Variants in LAMA4 observed in about 807,000 individuals in gnomAD.
LAMA4 encodes the protein laminin subunit alpha 4.
In LAMA4, 127 loss-of-function variants were observed where a neutral mutation model predicts 207.1. The observed-to-expected ratio is 0.61, with a 90% confidence interval of 0.53 to 0.71. The LOEUF (loss-of-function observed/expected upper bound fraction) is 0.71. Among genes scored for constraint, LAMA4 ranks in the 30% least tolerant of loss-of-function variants. LAMA4 has a pLI of 0.00. For synonymous variants in LAMA4, 761 were observed against 816.0 expected (o/e 0.93, Z 1.15); for missense variants, 2,093 against 2,246.5 (o/e 0.93, Z 1.38).
Position 112,195,733 on chromosome 6 carries a change from A to T in LAMA4, c.504-3883T>A, listed in dbSNP as rs6936937. ...TGTTTCTCACTCCACCACCAAATTT[A>T]ATGCATGAAAGTATACTATTAAAGC... On this transcript the variant is annotated intron_variant, in intron 5 of 38. Transcript: ENST00000230538. 2.2e-3 allele frequency among the ~76,000 whole-genome samples: 328 copies of T among 152,292 alleles called. 3 individuals carry two copies. The highest frequency in any genetic ancestry group is 6.6e-3 in the African/African-American group (276 of 41,560).
At chr6:112,222,205 G>C (rs1784962670) in intron 2 of LAMA4, among the ~76,000 whole-genome samples, 1 of 152,176 alleles carries the variant, frequency 6.6e-6, no homozygotes, top group African/African-American at 2.4e-5. Flanking sequence ...CTAAGCTCTT[G>C]TTTGCATAAT....
At chr6:112,235,078 C>T (rs1785818345) in intron 2 of LAMA4, among the ~76,000 whole-genome samples, 1 of 152,166 alleles carries the variant, frequency 6.6e-6, no homozygotes, top group Admixed American at 6.5e-5. Context: ...AAAGTGCCCA[C>T]CATTTTGAAA....
In LAMA4 at chr6:112,131,201, G is replaced by C. The variant is rs577865334; in HGVS notation, c.3835-100C>G. The C allele has an allele frequency of 1.9e-5, 20 of 1,076,104 alleles. No individual in the cohort carries two copies. In the African/African-American group the frequency reaches 2.9e-4, roughly 16 times the overall value. The allele number at this position is 1,076,104 out of a possible 1,614,324, so 66.7% of individuals were successfully genotyped here. A position where few individuals can be genotyped will look rare whatever the true frequency, so the allele number is the denominator to read the frequency against. ...AATGGTATTGCTTAAAGGCAATATAGTGTGTAGGAAATTTGCTTGTAAAAT... is the reference window on the plus strand; with the variant it reads ...AATGGTATTGCTTAAAGGCAATATACTGTGTAGGAAATTTGCTTGTAAAAT... On this transcript the variant is annotated intron_variant, in intron 28 of 38. Transcript: ENST00000230538.
rs148396423 is a variant in LAMA4, at chr6:112,135,602, T to C, written c.3414+521A>G. Among the ~76,000 whole-genome samples the C allele has an allele frequency of 6.5e-3, 984 of 152,328 alleles. 10 individuals are homozygous for C. The highest frequency in any genetic ancestry group is 0.022 in the African/African-American group (929 of 41,576). On this transcript the variant is annotated intron_variant, in intron 25 of 38. Transcript: ENST00000230538. ...TAATGAAAATGGATGAAGTATATTT[T>C]CAGTAGTCTGCACATCTGTTTCAAA...
chr6:112,218,497 C>T (rs1270702899), intron 2 of LAMA4: 1 of 152,138 alleles, frequency 6.6e-6, no homozygotes, highest in Non-Finnish European at 1.5e-5. Context: ...GGACAGCAAA[C>T]TGGAGACATA....
chr6:112,139,620 G>A (rs1779564264), intron 23 of LAMA4, 132 bp downstream of exon 23: 7 of 1,079,410 alleles, frequency 6.5e-6, no homozygotes, highest in Non-Finnish European at 4.3e-6. Context: ...TTTTTTGCAG[G>A]TATGACTTAT....
chr6:112,234,182 C>CCCAAA (rs1785738295), intron 2 of LAMA4: 1 of 151,650 alleles, frequency 6.6e-6, no homozygotes, highest in Non-Finnish European at 1.5e-5. Flanking sequence ...TTCATTCTGC[C>CCCAAA]GTTTGATGCA....
intron 2 of LAMA4, among the ~76,000 whole-genome samples, chr6:112,217,107 C>T (rs1272071789): frequency 2.0e-5 from 3 of 152,196 alleles, no homozygotes; most frequent in Non-Finnish European, 4.4e-5. Flanking sequence ...GAACACATGA[C>T]TTTCCCTTAT....
chr6:112,110,996 T>C (rs1332109511), intron 38 of LAMA4, among the ~76,000 whole-genome samples: 1 of 152,220 alleles, frequency 6.6e-6, no homozygotes, highest in East Asian at 1.9e-4. Flanking sequence ...GAGGAATGAA[T>C]GGTTAGACCC....
intron 24 of LAMA4, among the ~76,000 whole-genome samples, chr6:112,138,512 T>C (rs1478193489): frequency 6.6e-6 from 1 of 152,166 alleles, no homozygotes; most frequent in Non-Finnish European, 1.5e-5. Flanking sequence ...AGCTGTACAG[T>C]AGATAAAGTA....
chr6:112,188,727 T>G (rs1782840035), intron 7 of LAMA4, among the ~76,000 whole-genome samples: 1 of 152,228 alleles, frequency 6.6e-6, no homozygotes, highest in Non-Finnish European at 1.5e-5. Flanking sequence ...TCTCTTGGTA[T>G]CTCAGTTTCC....
intron 33 of LAMA4, 130 bp downstream of exon 33, chr6:112,120,149 TGAAA>T: frequency 2.8e-6 from 2 of 707,200 alleles, no homozygotes; most frequent in Admixed American, 2.8e-5. Context: ...TACAATTTTT[TGAAA>T]TTGAATTCTG....
At chr6:112,200,009 C>T in intron 5 of LAMA4, 1 of 473,212 alleles carries the variant, frequency 2.1e-6, no homozygotes, top group South Asian at 1.6e-5. Flanking sequence ...AATGGTGAGG[C>T]CAATGCTAAT....
chr6:112,203,806 G>A (rs1446389311), intron 4 of LAMA4, among the ~76,000 whole-genome samples: 1 of 152,122 alleles, frequency 6.6e-6, no homozygotes, highest in African/African-American at 2.4e-5. Flanking sequence ...TTCGTTTTCA[G>A]TAGGTTTTTC....
intron 6 of LAMA4, among the ~76,000 whole-genome samples, chr6:112,190,393 A>G (rs1168322396): frequency 6.6e-6 from 1 of 152,178 alleles, no homozygotes; most frequent in Non-Finnish European, 1.5e-5. Context: ...TGACTTCTGC[A>G]GAACATATAT....
intron 26 of LAMA4, among the ~76,000 whole-genome samples, chr6:112,133,931 G>T: frequency 6.6e-6 from 1 of 152,160 alleles, no homozygotes; most frequent in East Asian, 1.9e-4. Context: ...GTGATGTTAG[G>T]ATTTGAACAC....
In LAMA4 at chr6:112,142,193, T is replaced by C. The variant is rs1554333478; in HGVS notation, c.2593A>G (p.Met865Val). ...LKAFTSLSLYMKPPVKRPELT... is the reference protein window; with the variant it reads ...LKAFTSLSLYVKPPVKRPELT... ...TCCGGCCGCTTCACAGGGGGTTTCATGTACAGGCTCAGAGACGTGAAGGCC... is the reference window on the plus strand; with the variant it reads ...TCCGGCCGCTTCACAGGGGGTTTCACGTACAGGCTCAGAGACGTGAAGGCC... The change falls in exon 20 of 39, where the codon ATG (methionine) becomes GTG (valine). Residue 865 changes from methionine to valine, a missense_variant. Transcript: ENST00000230538. 1.2e-6 allele frequency: 2 copies of C among 1,614,166 alleles called. No individual in the cohort carries two copies. Among genetic ancestry groups the C allele is most frequent in the Non-Finnish European group, 1.7e-6 (2 of 1,180,012 alleles).
At chr6:112,114,323 T>A (rs1777886608) in intron 37 of LAMA4, 128 bp from the exon 38 acceptor site, 1 of 923,588 alleles carries the variant, frequency 1.1e-6, no homozygotes, top group African/African-American at 1.7e-5. Flanking sequence ...TCTTCTATAT[T>A]ATTAAAATCA....
rs1453949636 is a variant in LAMA4 at position 112,165,341 on chromosome 6, C to T, written c.1552-65G>A. 6 of 1,037,938 alleles carry T rather than the reference C, an allele frequency of 5.8e-6. No individual in the cohort carries two copies. The Admixed American group carries it at 1.0e-4, about 18-fold the overall frequency. 64.3% of individuals were successfully genotyped at this position (1,037,938 alleles called of 1,614,324 possible). A position where few individuals can be genotyped will look rare whatever the true frequency, so the allele number is the denominator to read the frequency against. On this transcript the variant is annotated intron_variant, in intron 12 of 38. Coordinates refer to ENST00000230538, the MANE Select transcript of LAMA4 (RefSeq NM_001105206.3). The stretch of plus-strand genomic sequence containing the variant: ...TCTTTAGGGAAAGCGTTGGGGAGAG[C>T]AGTAAATGTCAACTTGCTCTCTTTG...
Sources: gnomAD v4.1 joint callset for allele counts (sites outside exome capture counted in the v4.1 genomes callset) on GRCh38, gnomAD v4.1.1 for gene constraint, MANE v1.5 for transcripts, NCBI Gene and HGNC (gene_info 2026-07-23, HGNC 2026-07-21) for gene names.